NLRC3: variants seen among roughly 807,000 people sequenced by gnomAD.
NLRC3 encodes NLR family CARD domain containing 3.
A neutral mutation model predicts 91.6 loss-of-function variants in NLRC3; 87 were observed. The observed-to-expected ratio is 0.95, with a 90% CI of 0.80 to 1.14. The LOEUF is 1.14. Among genes scored for constraint, NLRC3 ranks in the 50% most tolerant of loss-of-function variants. The pLI is 0.00. For missense variants in NLRC3, 1,577 were observed against 1,418.6 expected (o/e 1.11, Z -1.79); for synonymous variants, 694 against 625.3 (o/e 1.11, Z -1.64).
chr16:3,541,718 G>C lies in NLRC3; in HGVS notation c.*107C>G, dbSNP rs1408367031. The C allele has an allele frequency of 1.7e-5, 13 of 747,864 alleles. No homozygotes were observed. The highest frequency in any genetic ancestry group is 2.8e-5 in the Non-Finnish European group (12 of 431,832). The allele number at this position is 747,864 out of a possible 1,614,324, so 46.3% of individuals were successfully genotyped here. ...CCCTGCAGAGCCCGGCTCTCGTGCT[G>C]AGCAAGCAGCGTTCCCAGCTCCCAG... On this transcript the variant is annotated 3_prime_UTR_variant, in exon 20 of 20. Coordinates refer to ENST00000359128, the MANE Select transcript of NLRC3 (RefSeq NM_178844.4).
At chr16:3,550,629 T>G (rs1567129932) in intron 10 of NLRC3, 132 bp from the exon 11 acceptor site, 4 of 655,860 alleles carry the variant, frequency 6.1e-6, no homozygotes, top group Admixed American at 2.6e-5. Flanking sequence ...GTGCACAGTT[T>G]GTTCTGCCTG....
At chr16:3,554,454 C>T (rs1261878854) in intron 8 of NLRC3, 129 bp from the exon 9 acceptor site, 1 of 648,000 alleles carries the variant, frequency 1.5e-6, no homozygotes, top group Non-Finnish European at 2.8e-6. Flanking sequence ...TCACCGCCCA[C>T]CATGCAGGGA....
rs76430099 is a variant in NLRC3, at chr16:3,541,754, C to A, written c.*71G>T. ...GTTCCCAGCTCCCAGACAGGCCCCCCAGAAGTCGGCCTTTCTGTTCAAAAG... is the reference window on the plus strand; with the variant it reads ...GTTCCCAGCTCCCAGACAGGCCCCCAAGAAGTCGGCCTTTCTGTTCAAAAG... On this transcript the variant is annotated 3_prime_UTR_variant, in exon 20 of 20. Transcript: ENST00000359128. 2 of 1,024,088 alleles carry A rather than the reference C, an allele frequency of 2.0e-6. No homozygotes were observed. The highest frequency in any genetic ancestry group is 4.0e-5 in the Admixed American group (2 of 50,176). The allele number at this position is 1,024,088 out of a possible 1,614,324, so 63.4% of individuals were successfully genotyped here. A position where few individuals can be genotyped will look rare whatever the true frequency, so the allele number is the denominator to read the frequency against.
chr16:3,554,731 G>C (rs1398255590), intron 8 of NLRC3, among the ~76,000 whole-genome samples: 1 of 152,120 alleles, frequency 6.6e-6, no homozygotes, highest in African/African-American at 2.4e-5. Flanking sequence ...GGTTAAACAT[G>C]GGTTGACCAT....
At chr16:3,575,613 G>T (rs541502314) in intron 1 of NLRC3, among the ~76,000 whole-genome samples, 5 of 152,218 alleles carry the variant, frequency 3.3e-5, no homozygotes, top group Admixed American at 6.5e-5. Context: ...GTCTGTGAGC[G>T]AAGGTGAACC....
rs766558523 is a variant in NLRC3 at position 3,564,216 on chromosome 16, T to G, written c.721A>C (p.Lys241Gln). 7 of 1,613,360 alleles carry G rather than the reference T, an allele frequency of 4.3e-6. No individual in the cohort carries two copies. Among genetic ancestry groups the G allele is most frequent in the Non-Finnish European group, 5.9e-6 (7 of 1,179,882 alleles). The change falls in exon 5 of 20, where the codon AAG (lysine) becomes CAG (glutamine). Residue 241 changes from lysine (K) to glutamine (Q), a missense_variant. Transcript: ENST00000359128. This position sits in a 1 kb window ranked among gnomAD's most constrained non-coding sequence, Gnocchi z 5.9. ...ATCAGGTGGTCCACCGGGATCTCCT[T>G]CTTTGGGTCCGTGCAGGCCACGGTG... Reference protein sequence around the residue: ...SNTVACTDPKKEIPVDHLITN... With the variant: ...SNTVACTDPKQEIPVDHLITN...
rs774299870 is a variant in NLRC3, at chr16:3,563,190, C to G, written c.1747G>C (p.Val583Leu). The stretch of plus-strand genomic sequence containing the variant: ...GCCCCGCTCTCCATGGCCTCCTCCA[C>G]GCTGCGGGCCAGCTCGGTGTGCTGC... ...ELQHTELARS[V>L]EEAMESGALA... Residue 583 changes from valine to leucine, a missense_variant, in exon 5 of 20, where the codon GTG becomes CTG. Transcript: ENST00000359128. 35 of 1,594,720 alleles carry G rather than the reference C, an allele frequency of 2.2e-5. No homozygotes were observed. The highest frequency in any genetic ancestry group is 3.0e-5 in the Non-Finnish European group (35 of 1,173,182).
chr16:3,571,041 T>A (rs2040080837), intron 1 of NLRC3, among the ~76,000 whole-genome samples: 1 of 152,096 alleles, frequency 6.6e-6, no homozygotes, highest in Non-Finnish European at 1.5e-5. Flanking sequence ...GATACATAAG[T>A]CAACAGAATA....
chr16:3,558,292 C>G (rs1399402795), intron 6 of NLRC3, among the ~76,000 whole-genome samples: 2 of 152,174 alleles, frequency 1.3e-5, no homozygotes, highest in Non-Finnish European at 2.9e-5. Context: ...GATGACATCA[C>G]TGCGCTCCAG....
rs1430900765 is a variant in NLRC3 at position 3,539,144 on chromosome 16, T to G, written c.*2681A>C. The G allele has an allele frequency of 6.6e-6, 1 of 152,184 alleles. No individual in the cohort carries two copies. The highest frequency in any genetic ancestry group is 2.4e-5 in the African/African-American group (1 of 41,442). The allele number at this position is 152,184 out of a possible 1,614,324, so 9.4% of individuals were successfully genotyped here. Reference sequence around the variant, plus strand: ...CTTTTAGCGTACAAGAAGAAATAGATCCCTCTCATTAGCACTTTAATATCA... The same window carrying G: ...CTTTTAGCGTACAAGAAGAAATAGAGCCCTCTCATTAGCACTTTAATATCA... On this transcript the variant is annotated 3_prime_UTR_variant, in exon 20 of 20. Coordinates refer to ENST00000359128, the MANE Select transcript of NLRC3 (RefSeq NM_178844.4).
intron 14 of NLRC3, 85 bp from the exon 15 acceptor site, chr16:3,548,303 G>A: frequency 1.9e-6 from 2 of 1,049,536 alleles, no homozygotes; most frequent in Non-Finnish European, 2.9e-6. Flanking sequence ...GATGGCAGGA[G>A]GTGGAATCCC....
intron 1 of NLRC3, among the ~76,000 whole-genome samples, chr16:3,569,182 CGTG>C (rs2151105274): frequency 6.6e-6 from 1 of 151,474 alleles, no homozygotes; most frequent in African/African-American, 2.4e-5. Context: ...GGTGTGATGG[CGTG>C]TGCCTGTAAT....
At chr16:3,550,573 G>A (rs2038940745) in intron 10 of NLRC3, 76 bp from the exon 11 acceptor site, 1 of 1,103,286 alleles carries the variant, frequency 9.1e-7, no homozygotes, top group African/African-American at 1.5e-5. Flanking sequence ...TCAGAGTCAG[G>A]GAAGCCCTCC....
At chr16:3,556,565 C>T (rs1352527502) in intron 8 of NLRC3, among the ~76,000 whole-genome samples, 1 of 151,846 alleles carries the variant, frequency 6.6e-6, no homozygotes, top group Non-Finnish European at 1.5e-5. Flanking sequence ...AGTGTAGTGG[C>T]GCGATCTCAA....
chr16:3,575,746 C>CA (rs1177747264), intron 1 of NLRC3, among the ~76,000 whole-genome samples: 1 of 144,842 alleles, frequency 6.9e-6, no homozygotes, highest in Non-Finnish European at 1.5e-5. Context: ...ATCACCCGCC[C>CA]ACCTGATCTG....
At chr16:3,546,543 C>T (rs1038846539) in intron 15 of NLRC3, among the ~76,000 whole-genome samples, 2 of 152,002 alleles carry the variant, frequency 1.3e-5, no homozygotes, top group African/African-American at 4.8e-5. Flanking sequence ...GGCAACAGAG[C>T]GAGACTCCAT....
Position 3,557,645 on chromosome 16 carries a change from C to G in NLRC3, c.2047G>C (p.Ala683Pro). ...AAGAGGGATCTGGCCAGAGCTTTGG[C>G]CCCTTTGTTACTGATCTGGTTCTCC... ...LAENQISNKG[A>P]KALARSLLVN... is the part of the protein sequence containing the mutation. Residue 683 changes from alanine (A) to proline (P), a missense_variant, in exon 7 of 20, where the codon GCC becomes CCC. Ala to Pro is a conservative substitution (Grantham distance 27). Coordinates refer to ENST00000359128, the MANE Select transcript of NLRC3 (RefSeq NM_178844.4). The G allele has an allele frequency of 6.2e-7, 1 of 1,613,636 alleles. No homozygotes were observed. The highest frequency in any genetic ancestry group is 1.3e-5 in the African/African-American group (1 of 75,032).
intron 15 of NLRC3, 66 bp from the exon 16 acceptor site, chr16:3,544,395 G>T: frequency 8.7e-7 from 1 of 1,144,816 alleles, no homozygotes; most frequent in Non-Finnish European, 1.3e-6. Context: ...AGGCCCTGCC[G>T]CACTTGGACC....
rs1199669761 is a variant in NLRC3 at position 3,556,978 on chromosome 16, T to A, written c.2116A>T (p.Ile706Phe). Residue 706 changes from isoleucine to phenylalanine, a missense_variant, in exon 8 of 20, where the codon ATT (isoleucine) becomes TTT (phenylalanine). Coordinates refer to ENST00000359128, the MANE Select transcript of NLRC3 (RefSeq NM_178844.4). ...LTSLDLRGNS[I>F]GPQGAKALAD... ...AGCGCCTTGGCCCCTTGTGGTCCAA[T>A]GGAGTTACCGCGGAGGCTGAAGGAA... 6.2e-7 allele frequency: 1 copy of A among 1,613,248 alleles called. No homozygotes were observed. Among genetic ancestry groups the A allele is most frequent in the East Asian group, 2.2e-5 (1 of 44,880 alleles).
Sources: allele counts gnomAD v4.1 joint callset (sites outside exome capture counted in the v4.1 genomes callset), GRCh38; gene constraint gnomAD v4.1.1; non-coding constraint Gnocchi (gnomAD v3.1); transcripts MANE v1.5; gene names NCBI Gene and HGNC (gene_info 2026-07-23, HGNC 2026-07-21).